PTPRQ: variants seen among roughly 807,000 people sequenced by gnomAD.
PTPRQ encodes phosphatidylinositol phosphatase PTPRQ.
A neutral mutation model predicts 246.0 loss-of-function variants in PTPRQ; 199 were observed. The ratio of observed to expected loss-of-function variants is 0.81; its 90% CI spans 0.72 to 0.91. PTPRQ has a LOEUF of 0.91. Ranked by LOEUF, PTPRQ falls within the 40% of genes least tolerant of loss-of-function variation. The pLI is 0.00. For synonymous variants in PTPRQ, 869 were observed against 853.2 expected, an observed-to-expected ratio of 1.02 and a Z score of -0.32; for missense variants, 2,624 against 2,528.4, an observed-to-expected ratio of 1.04 and a Z score of -0.81.
chr12:80,590,194 C>T (rs771488329), intron 26 of PTPRQ, among the ~76,000 whole-genome samples: 5 of 152,242 alleles, frequency 3.3e-5, no homozygotes, highest in Non-Finnish European at 7.4e-5. Context: ...TTCCTTTCCT[C>T]CTCAATCCTG....
At chr12:80,676,133 C>A (rs1445122274) in intron 43 of PTPRQ, among the ~76,000 whole-genome samples, 2 of 152,084 alleles carry the variant, frequency 1.3e-5, no homozygotes, top group East Asian at 3.9e-4. Flanking sequence ...AAATGACCAC[C>A]CCTTGCCTCC....
At chr12:80,560,111 G>A (rs1896781011) in intron 25 of PTPRQ, among the ~76,000 whole-genome samples, 1 of 152,220 alleles carries the variant, frequency 6.6e-6, no homozygotes, top group Non-Finnish European at 1.5e-5. Flanking sequence ...CTCTTCCCAA[G>A]TAAGAGTGCC....
intron 10 of PTPRQ, 100 bp from the exon 11 acceptor site, chr12:80,494,833 G>A (rs981866177): frequency 3.6e-5 from 45 of 1,245,316 alleles, no homozygotes; most frequent in African/African-American, 1.7e-4. Flanking sequence ...TAATGAATAC[G>A]GAGAAATCAG....
chr12:80,528,495 A>C (rs1422151826), intron 17 of PTPRQ, among the ~76,000 whole-genome samples: 3 of 151,994 alleles, frequency 2.0e-5, no homozygotes, highest in African/African-American at 7.2e-5. Flanking sequence ...TTCTAATCTC[A>C]CTAATCTTTG....
intron 27 of PTPRQ, among the ~76,000 whole-genome samples, chr12:80,608,462 A>G (rs1898414211): frequency 6.7e-6 from 1 of 149,938 alleles, no homozygotes; most frequent in East Asian, 2.0e-4. Context: ...AAATACTTTT[A>G]AAGATATAAT....
At chr12:80,565,151 GT>G (rs1436544027) in intron 25 of PTPRQ, among the ~76,000 whole-genome samples, 1 of 152,134 alleles carries the variant, frequency 6.6e-6, no homozygotes, top group Admixed American at 6.5e-5. Context: ...AGTTCCAAAA[GT>G]GTAATGTTTG....
intron 17 of PTPRQ, among the ~76,000 whole-genome samples, chr12:80,517,604 C>A (rs972342411): frequency 1.3e-5 from 2 of 151,680 alleles, no homozygotes; most frequent in African/African-American, 4.9e-5. Flanking sequence ...CATATTCATT[C>A]TTTCTATTTT....
In PTPRQ at chr12:80,632,172, C is replaced by T; in HGVS notation, c.5687-20C>T. On this transcript the variant is annotated intron_variant, in intron 33 of 44. Coordinates refer to ENST00000644991, the MANE Select transcript of PTPRQ (RefSeq NM_001145026.2). ...GATTCCATAATAATATTTAATGATC[C>T]TGTTATCCCTCTTCTCCAGGGGAAG... 6.5e-7 allele frequency: 1 copy of T among 1,541,796 alleles called. No homozygotes were observed. Among genetic ancestry groups the T allele is most frequent in the Non-Finnish European group, 8.7e-7 (1 of 1,143,344 alleles).
intron 14 of PTPRQ, among the ~76,000 whole-genome samples, chr12:80,501,005 G>GAGGT (rs1894782865): frequency 6.6e-6 from 1 of 151,898 alleles, no homozygotes; most frequent in Admixed American, 6.6e-5. Context: ...TGATATTAAT[G>GAGGT]AGGTACAGGA....
At chr12:80,538,631 A>AT (rs1896058346) in intron 19 of PTPRQ, among the ~76,000 whole-genome samples, 1 of 152,100 alleles carries the variant, frequency 6.6e-6, no homozygotes, top group Non-Finnish European at 1.5e-5. Context: ...ATTGCACTAT[A>AT]TTTTTCCCTG....
intron 41 of PTPRQ, among the ~76,000 whole-genome samples, chr12:80,670,050 G>A (rs1900918229): frequency 6.6e-6 from 1 of 152,046 alleles, no homozygotes; most frequent in East Asian, 1.9e-4. Context: ...TGGGTCAAAA[G>A]TGTTTCAATA....
At position 80,620,483 on chromosome 12, in the gene PTPRQ, G is replaced by A. The variant is rs1380553601; in HGVS notation, c.5612+107G>A. 15 of 1,445,952 alleles carry A rather than the reference G, an allele frequency of 1.0e-5. No homozygotes were observed. In the Admixed American group the frequency reaches 1.3e-4, roughly 13 times the overall value. 89.6% of individuals were successfully genotyped at this position (1,445,952 alleles called of 1,614,324 possible). A position where few individuals can be genotyped will look rare whatever the true frequency, so the allele number is the denominator to read the frequency against. ...TCTTTCCAATAAGCACTGGATGTCC[G>A]CCACGTATAGTGACCTGATTTTTCT... On this transcript the variant is annotated intron_variant, in intron 32 of 44. Transcript: ENST00000644991.
intron 37 of PTPRQ, among the ~76,000 whole-genome samples, chr12:80,651,105 C>T (rs189537784): frequency 1.7e-4 from 26 of 152,080 alleles, no homozygotes; most frequent in African/African-American, 5.5e-4. Flanking sequence ...TGACTTTGGG[C>T]AAATTTCTTA....
At chr12:80,671,814 C>G (rs1480254391) in intron 42 of PTPRQ, among the ~76,000 whole-genome samples, 1 of 152,018 alleles carries the variant, frequency 6.6e-6, no homozygotes, top group Non-Finnish European at 1.5e-5. Flanking sequence ...CTGGAGTCAT[C>G]CTTGATTCTG....
In PTPRQ at chr12:80,541,566, T is replaced by A; in HGVS notation, c.3166T>A (p.Phe1056Ile). The A allele has an allele frequency of 2.6e-6, 4 of 1,521,698 alleles. No individual in the cohort carries two copies. The highest frequency in any genetic ancestry group is 3.5e-6 in the Non-Finnish European group (4 of 1,132,264). 94.3% of individuals were successfully genotyped at this position (1,521,698 alleles called of 1,614,324 possible). The stretch of plus-strand genomic sequence containing the variant: ...ATTACCTATCATAGTACCTGAAGGG[T>A]TTGTTGGAAACCTGACTTACGAATC... ...VYTDQDIPEGFVGNLTYESIS... is the reference protein window; with the variant it reads ...VYTDQDIPEGIVGNLTYESIS... Residue 1056 changes from phenylalanine to isoleucine, a missense_variant, in exon 21 of 45, where the codon TTT (phenylalanine) becomes ATT (isoleucine). By Grantham distance (21) the Phe-to-Ile change is conservative. Transcript: ENST00000644991.
At chr12:80,466,084 C>T (rs1243769179) in intron 6 of PTPRQ, among the ~76,000 whole-genome samples, 3 of 152,194 alleles carry the variant, frequency 2.0e-5, no homozygotes, top group African/African-American at 4.8e-5. Context: ...TTGCAGACGA[C>T]ATGATTGTGT....
At chr12:80,530,494 T>C (rs2120791827) in intron 17 of PTPRQ, among the ~76,000 whole-genome samples, 1 of 152,312 alleles carries the variant, frequency 6.6e-6, no homozygotes, top group South Asian at 2.1e-4. Flanking sequence ...GAAAGTTAAC[T>C]TTGCTTGCAC....
chr12:80,475,353 G>A (rs1010088212), intron 8 of PTPRQ, among the ~76,000 whole-genome samples: 3 of 151,866 alleles, frequency 2.0e-5, no homozygotes, highest in African/African-American at 4.8e-5. Context: ...ATGGCATTGG[G>A]GTAAAGAAAA....
rs1480304324 is a variant in PTPRQ at position 80,633,340 on chromosome 12, AC to A, written c.5786+1054del. ...AATATCCAGCTTCCTTATATGGTAG[AC>A]CCCCTTCTCATGCTTACTTTCTGAA... On this transcript the variant is annotated intron_variant, in intron 34 of 44. Coordinates refer to ENST00000644991, the MANE Select transcript of PTPRQ (RefSeq NM_001145026.2). Among the ~76,000 whole-genome samples the A allele has an allele frequency of 2.0e-5, 3 of 152,184 alleles. No homozygotes were observed. In the East Asian group the frequency reaches 5.8e-4, roughly 29 times the overall value.
Sources: gnomAD v4.1 joint callset for allele counts (sites outside exome capture counted in the v4.1 genomes callset) on GRCh38, gnomAD v4.1.1 for gene constraint, MANE v1.5 for transcripts, NCBI Gene and HGNC (gene_info 2026-07-23, HGNC 2026-07-21) for gene names.